BTRC: variants seen among roughly 807,000 people sequenced by gnomAD.
BTRC encodes beta-transducin repeat containing E3 ubiquitin protein ligase, also known as F-box/WD repeat-containing protein 1A.
BTRC carries 42 observed loss-of-function variants against 85.5 expected under a neutral mutation model. That is an observed-to-expected ratio of 0.49 (90% CI 0.38 to 0.64). BTRC has a LOEUF of 0.64. BTRC is among the 30% of genes least tolerant of loss of function. BTRC has a pLI of 0.00. For synonymous variants in BTRC, 255 were observed against 263.3 expected (o/e 0.97, Z 0.30); for missense variants, 594 against 743.5 (o/e 0.80, Z 2.34).
intron 4 of BTRC, among the ~76,000 whole-genome samples, chr10:101,506,024 C>T (rs956782066): frequency 6.6e-6 from 1 of 152,042 alleles, no homozygotes; most frequent in Admixed American, 6.5e-5. Flanking sequence ...AAGCAATTCT[C>T]CTGCCTCAGC....
chr10:101,414,568 G>A (rs907664716), intron 1 of BTRC: 21 of 498,924 alleles, frequency 4.2e-5, no homozygotes, highest in Admixed American at 6.4e-5. Context: ...GTAAAACAGC[G>A]TTAGGCAGGT....
chr10:101,415,100 G>T (rs1345421288), intron 1 of BTRC, among the ~76,000 whole-genome samples: 2 of 152,106 alleles, frequency 1.3e-5, no homozygotes, highest in African/African-American at 2.4e-5. Flanking sequence ...CACTCATTCA[G>T]TAACTCACCC....
intron 6 of BTRC, among the ~76,000 whole-genome samples, chr10:101,529,080 TATG>T (rs1204438323): frequency 2.6e-5 from 4 of 152,246 alleles, no homozygotes; most frequent in African/African-American, 7.2e-5. Flanking sequence ...GATCACATTT[TATG>T]ATAACATTCT....
rs567929187 is a variant in BTRC at position 101,389,019 on chromosome 10, G to C, written c.48+34791G>C. 8.6e-5 allele frequency among the ~76,000 whole-genome samples: 13 copies of C among 151,378 alleles called. No homozygotes were observed. In the South Asian group the frequency reaches 2.7e-3, roughly 32 times the overall value. ...ATCTGTGGGCTGATGATTTCTAATGGGCTAATAGTCTCTAACCCATCCTTT... is the reference window on the plus strand; with the variant it reads ...ATCTGTGGGCTGATGATTTCTAATGCGCTAATAGTCTCTAACCCATCCTTT... On this transcript the variant is annotated intron_variant, in intron 1 of 14. Coordinates refer to ENST00000370187, the MANE Select transcript of BTRC (RefSeq NM_033637.4).
chr10:101,533,111 G>A (rs200578010), intron 9 of BTRC, 41 bp downstream of exon 9: 129 of 1,404,456 alleles, frequency 9.2e-5, no homozygotes, highest in Middle Eastern at 5.3e-4. Flanking sequence ...TGAAATATCA[G>A]CTCTGCTCTG....
At chr10:101,437,082 A>C (rs1341138220) in intron 2 of BTRC, among the ~76,000 whole-genome samples, 1 of 152,232 alleles carries the variant, frequency 6.6e-6, no homozygotes, top group African/African-American at 2.4e-5. Flanking sequence ...TCTATTGTAT[A>C]TGAATAATTT....
At chr10:101,448,188 A>G (rs1038375298) in intron 2 of BTRC, among the ~76,000 whole-genome samples, 64 of 152,160 alleles carry the variant, frequency 4.2e-4, no homozygotes, top group Non-Finnish European at 2.9e-5. Context: ...GGCTTAAGAG[A>G]AATAATTTTG....
At position 101,556,537 on chromosome 10, in the gene BTRC, T is replaced by C. The variant is rs2062726141; in HGVS notation, c.*3414T>C. Reference sequence around the variant, plus strand: ...CAGCCCGGAGGCTTAGGGTGCAGCCTCCCTGGTCTTCCTCCACACAGTTGT... The same window carrying C: ...CAGCCCGGAGGCTTAGGGTGCAGCCCCCCTGGTCTTCCTCCACACAGTTGT... On this transcript the variant is annotated 3_prime_UTR_variant, in exon 15 of 15. Coordinates refer to ENST00000370187, the MANE Select transcript of BTRC (RefSeq NM_033637.4). 6.6e-6 allele frequency: 1 copy of C among 152,224 alleles called. No individual in the cohort carries two copies. Among genetic ancestry groups the C allele is most frequent in the Non-Finnish European group, 1.5e-5 (1 of 68,050 alleles). 9.4% of individuals were successfully genotyped at this position (152,224 alleles called of 1,614,324 possible).
intron 1 of BTRC, among the ~76,000 whole-genome samples, chr10:101,385,349 A>G (rs374482531): frequency 6.9e-6 from 1 of 145,912 alleles, no homozygotes; most frequent in African/African-American, 2.5e-5. Flanking sequence ...CCTAGGTGAC[A>G]GAACGAGACT....
chr10:101,475,933 ATATATAT>A (rs1478260738), intron 3 of BTRC, among the ~76,000 whole-genome samples: 1 of 115,222 alleles, frequency 8.7e-6, no homozygotes, highest in Non-Finnish European at 1.9e-5. Flanking sequence ...ATATATATAT[ATATATAT>A]ATATATATAT....
intron 4 of BTRC, among the ~76,000 whole-genome samples, chr10:101,501,187 C>CA (rs61126147): frequency 0.4 from 53,591 of 132,326 alleles, 10,656 homozygotes; most frequent in Middle Eastern, 0.54. Context: ...GACTGCGTCT[C>CA]AAAAAAAAAA....
intron 1 of BTRC, among the ~76,000 whole-genome samples, chr10:101,390,386 G>A (rs1943206024): frequency 6.7e-6 from 1 of 148,314 alleles, no homozygotes; most frequent in East Asian, 2.0e-4. Context: ...TCCCCAGGCT[G>A]GAGTGCAGTG....
At chr10:101,432,867 G>C (rs893192934) in intron 2 of BTRC, among the ~76,000 whole-genome samples, 1 of 152,168 alleles carries the variant, frequency 6.6e-6, no homozygotes, top group Non-Finnish European at 1.5e-5. Context: ...AATACTCACA[G>C]AGTATTACCA....
chr10:101,447,011 G>A (rs758376131), intron 2 of BTRC, among the ~76,000 whole-genome samples: 3 of 151,664 alleles, frequency 2.0e-5, no homozygotes, highest in East Asian at 1.9e-4. Context: ...TGGGGGGGCC[G>A]GTTACAAAGC....
At chr10:101,450,911 T>C (rs750374853) in intron 2 of BTRC, among the ~76,000 whole-genome samples, 1 of 152,218 alleles carries the variant, frequency 6.6e-6, no homozygotes, top group South Asian at 2.1e-4. Flanking sequence ...CAGATTTCTG[T>C]TTGTTATTAA....
At chr10:101,501,248 G>A (rs549551576) in intron 4 of BTRC, among the ~76,000 whole-genome samples, 14 of 152,048 alleles carry the variant, frequency 9.2e-5, no homozygotes, top group Non-Finnish European at 1.8e-4. Flanking sequence ...GTAAGAACAT[G>A]TGAAGAATGA....
At chr10:101,525,447 C>T (rs781381332) in intron 5 of BTRC, among the ~76,000 whole-genome samples, 7 of 152,138 alleles carry the variant, frequency 4.6e-5, no homozygotes, top group Non-Finnish European at 7.4e-5. Context: ...CTGTCTTTCT[C>T]TTGGGATATT....
chr10:101,536,667 CAG>C lies in BTRC; in HGVS notation c.1577+17_1577+18del. Reference sequence around the variant, plus strand: ...GGCCTATGATGGGTGAGTGTGCTAACAGAGTGTAAAAAAGAGAAAATCTACGT... The same window carrying C: ...GGCCTATGATGGGTGAGTGTGCTAACAGTGTAAAAAAGAGAAAATCTACGT... On this transcript the variant is annotated intron_variant, in intron 12 of 14. Transcript: ENST00000370187. The C allele has an allele frequency of 6.3e-7, 1 of 1,577,040 alleles. No homozygotes were observed. The highest frequency in any genetic ancestry group is 8.7e-7 in the Non-Finnish European group (1 of 1,147,250).
chr10:101,406,524 C>CTTTTT lies in BTRC; in HGVS notation c.49-23797_49-23793dup, dbSNP rs58902120. 5.9e-4 allele frequency among the ~76,000 whole-genome samples: 30 copies of CTTTTT among 50,430 alleles called. 6 individuals carry two copies. Among genetic ancestry groups the CTTTTT allele is most frequent in the Admixed American group, 6.7e-4 (2 of 2,974 alleles). The allele number at this position is 50,430 out of a possible 152,430, so 33.1% of individuals were successfully genotyped here. Reference sequence around the variant, plus strand: ...ATGTTAACATAGCCATCTCAGGTTTCTTTTTTTTTTTTTTTTTTTTTTTTT... The same window carrying CTTTTT: ...ATGTTAACATAGCCATCTCAGGTTTCTTTTTTTTTTTTTTTTTTTTTTTTTTTTTT... On this transcript the variant is annotated intron_variant, in intron 1 of 14. Coordinates refer to ENST00000370187, the MANE Select transcript of BTRC (RefSeq NM_033637.4).
Sources: allele counts gnomAD v4.1 joint callset (sites outside exome capture counted in the v4.1 genomes callset), GRCh38; gene constraint gnomAD v4.1.1; transcripts MANE v1.5; gene names NCBI Gene and HGNC (gene_info 2026-07-23, HGNC 2026-07-21).